Variants in CCDC7 observed in about 807,000 individuals in gnomAD.
CCDC7 encodes the protein coiled-coil domain containing 7.
Under a neutral mutation model 196.9 loss-of-function variants are expected in CCDC7, and 183 were observed. That is an observed-to-expected ratio of 0.93 (90% CI 0.82 to 1.05). The LOEUF (loss-of-function observed/expected upper bound fraction) is 1.05. Among genes scored for constraint, CCDC7 ranks in the 50% least tolerant of loss-of-function variants. The pLI, the probability that CCDC7 is intolerant of heterozygous loss-of-function variation, is 0.00. For synonymous variants in CCDC7, 525 were observed against 484.6 expected (o/e 1.08, Z -1.10); for missense variants, 1,540 against 1,482.2 (o/e 1.04, Z -0.64).
At chr10:32,847,490 C>G (rs571154748) in intron 37 of CCDC7, among the ~76,000 whole-genome samples, 7 of 152,096 alleles carry the variant, frequency 4.6e-5, no homozygotes, top group African/African-American at 1.7e-4. Flanking sequence ...AGGAAGGTAA[C>G]AGAGATATCA....
chr10:32,817,786 T>A (rs193096126), intron 31 of CCDC7, among the ~76,000 whole-genome samples: 1 of 151,170 alleles, frequency 6.6e-6, no homozygotes, highest in Non-Finnish European at 1.5e-5. Flanking sequence ...CAAGCAAATG[T>A]TGAGAGATTT....
intron 11 of CCDC7, among the ~76,000 whole-genome samples, chr10:32,521,503 T>C (rs961537728): frequency 6.6e-6 from 1 of 152,160 alleles, no homozygotes; most frequent in African/African-American, 2.4e-5. Flanking sequence ...TATTCACTGT[T>C]GGTATATAGA....
intron 41 of CCDC7, among the ~76,000 whole-genome samples, chr10:32,874,753 T>TAC (rs3035173): frequency 0.32 from 46,420 of 145,096 alleles, 7,269 homozygotes; most frequent in Non-Finnish European, 0.37. Flanking sequence ...CCAACATATC[T>TAC]ACACACACAC....
intron 18 of CCDC7, among the ~76,000 whole-genome samples, chr10:32,602,520 A>G (rs1285220174): frequency 6.6e-6 from 1 of 152,152 alleles, no homozygotes; most frequent in Non-Finnish European, 1.5e-5. Flanking sequence ...CATTTTTCTG[A>G]CATCACTATG....
At chr10:32,706,057 A>G (rs931879069) in intron 24 of CCDC7, among the ~76,000 whole-genome samples, 5 of 152,116 alleles carry the variant, frequency 3.3e-5, no homozygotes, top group African/African-American at 4.8e-5. Context: ...AAAATTGACT[A>G]CATAGTTGGA....
intron 32 of CCDC7, among the ~76,000 whole-genome samples, chr10:32,826,736 T>G (rs758045561): frequency 5.9e-5 from 9 of 152,130 alleles, no homozygotes; most frequent in Non-Finnish European, 8.8e-5. Context: ...CAGGCACCAC[T>G]CGAAAGTGGA....
intron 20 of CCDC7, among the ~76,000 whole-genome samples, chr10:32,661,712 C>T (rs1591283270): frequency 1.3e-5 from 2 of 152,276 alleles, no homozygotes; most frequent in Middle Eastern, 6.8e-3. Flanking sequence ...CAAAATTCTG[C>T]CCAGTGCCCT....
At chr10:32,712,887 A>G (rs73261222) in intron 25 of CCDC7, among the ~76,000 whole-genome samples, 8,080 of 152,214 alleles carry the variant, frequency 0.053, 717 homozygotes, top group African/African-American at 0.18. Context: ...AGGCCAGATG[A>G]GTCTATTGAA....
intron 18 of CCDC7, among the ~76,000 whole-genome samples, 177 bp from the exon 20 acceptor site, chr10:32,634,077 A>G (rs1431778050): frequency 6.6e-6 from 1 of 152,150 alleles, no homozygotes; most frequent in Non-Finnish European, 1.5e-5. Flanking sequence ...ACAGCAACAT[A>G]CACCTATTAA....
chr10:32,863,997 A>G (rs2094112039), intron 41 of CCDC7, among the ~76,000 whole-genome samples: 1 of 151,714 alleles, frequency 6.6e-6, no homozygotes, highest in Admixed American at 6.6e-5. Flanking sequence ...TAAAAAAAAA[A>G]AAAAAATTTG....
At chr10:32,521,572 T>G (rs1216391850) in intron 11 of CCDC7, among the ~76,000 whole-genome samples, 1 of 152,012 alleles carries the variant, frequency 6.6e-6, no homozygotes, top group African/African-American at 2.4e-5. Context: ...ATTTATCAGT[T>G]CTAAGAGTTT....
At chr10:32,590,410 T>C (rs889418843) in intron 18 of CCDC7, among the ~76,000 whole-genome samples, 7 of 152,162 alleles carry the variant, frequency 4.6e-5, no homozygotes, top group Non-Finnish European at 7.4e-5. Context: ...TTTAACTTTT[T>C]GATTTTTCTC....
At chr10:32,550,375 T>G (rs1292749925) in intron 13 of CCDC7, among the ~76,000 whole-genome samples, 2 of 152,166 alleles carry the variant, frequency 1.3e-5, no homozygotes, top group African/African-American at 2.4e-5. Flanking sequence ...GACTACTTCT[T>G]TACTGATTTG....
At chr10:32,474,878 T>C (rs1354159825) in intron 8 of CCDC7, among the ~76,000 whole-genome samples, 1 of 152,108 alleles carries the variant, frequency 6.6e-6, no homozygotes, top group East Asian at 1.9e-4. Flanking sequence ...TAGAAAATAA[T>C]ATTTGCTTGG....
At chr10:32,638,726 A>G (rs1009460070) in intron 20 of CCDC7, among the ~76,000 whole-genome samples, 1 of 152,236 alleles carries the variant, frequency 6.6e-6, no homozygotes, top group Non-Finnish European at 1.5e-5. Flanking sequence ...CTTTGGTATC[A>G]GGATGATGCT....
chr10:32,869,777 A>T (rs372913073), intron 41 of CCDC7, among the ~76,000 whole-genome samples: 1 of 149,094 alleles, frequency 6.7e-6, no homozygotes, highest in African/African-American at 2.4e-5. Context: ...TCAGCTTTCT[A>T]CATATAGCTA....
intron 21 of CCDC7, among the ~76,000 whole-genome samples, chr10:32,671,771 G>A (rs1371819411): frequency 6.6e-6 from 1 of 152,104 alleles, no homozygotes; most frequent in African/African-American, 2.4e-5. Flanking sequence ...GGCGCTTGCT[G>A]GGTGGGCTGC....
exon 6 of CCDC7, chr10:32,471,112 A>G: frequency 6.2e-7 from 1 of 1,612,172 alleles, no homozygotes; most frequent in African/African-American, 1.3e-5. Context: ...AAAACCTGAC[A>G]AAACAGTCAT....
chr10:32,764,359 G>T (rs2133930901), intron 28 of CCDC7, among the ~76,000 whole-genome samples: 1 of 151,822 alleles, frequency 6.6e-6, no homozygotes, highest in Admixed American at 6.6e-5. Context: ...GAAATCAGGG[G>T]AATATGTTTG....
Sources: gnomAD v4.1 joint callset for allele counts (sites outside exome capture counted in the v4.1 genomes callset) on GRCh38, gnomAD v4.1.1 for gene constraint, MANE v1.5 for transcripts, NCBI Gene and HGNC (gene_info 2026-07-23, HGNC 2026-07-21) for gene names.